The following DLGAP1 variants were observed in gnomAD, a reference collection of about 807,000 sequenced individuals.
DLGAP1 encodes the protein disks large-associated protein 1.
A neutral mutation model predicts 90.8 loss-of-function variants in DLGAP1; 11 were observed. The ratio of observed to expected loss-of-function variants is 0.12; its 90% CI spans 0.08 to 0.20. DLGAP1 has a LOEUF of 0.20. Among genes scored for constraint, DLGAP1 ranks in the 10% least tolerant of loss-of-function variants. The probability of loss-of-function intolerance (pLI) is 1.00; values close to 1 mark genes in which losing one functional copy is unlikely to be tolerated. For missense variants in DLGAP1, 1,050 were observed against 1,333.8 expected (o/e 0.79, Z 3.31); for synonymous variants, 558 against 540.7 (o/e 1.03, Z -0.44).
At chr18:4,117,443 G>A (rs2076080895) in intron 2 of DLGAP1, among the ~76,000 whole-genome samples, 2 of 152,130 alleles carry the variant, frequency 1.3e-5, no homozygotes, top group Non-Finnish European at 2.9e-5. Flanking sequence ...TGATGTTGTT[G>A]TCTTGGCCAA....
At chr18:3,987,016 C>G (rs1275718383) in intron 3 of DLGAP1, among the ~76,000 whole-genome samples, 1 of 152,200 alleles carries the variant, frequency 6.6e-6, no homozygotes, top group Admixed American at 6.5e-5. Flanking sequence ...GGTTTAATAA[C>G]TTGACTATCA....
chr18:3,977,108 T>C (rs1721270790), intron 3 of DLGAP1, among the ~76,000 whole-genome samples: 1 of 152,180 alleles, frequency 6.6e-6, no homozygotes, highest in Non-Finnish European at 1.5e-5. Context: ...AGAGTCTCAC[T>C]CTGTCGCCCA....
At chr18:4,347,411 A>T (rs2143931398) in intron 1 of DLGAP1, among the ~76,000 whole-genome samples, 1 of 152,198 alleles carries the variant, frequency 6.6e-6, no homozygotes, top group Non-Finnish European at 1.5e-5. Flanking sequence ...AAATCTATAG[A>T]CCTATATTGT....
At chr18:3,690,588 G>C (rs1387866056) in intron 7 of DLGAP1, among the ~76,000 whole-genome samples, 1 of 152,124 alleles carries the variant, frequency 6.6e-6, no homozygotes, top group Non-Finnish European at 1.5e-5. Context: ...TGATGAAAGT[G>C]CCCAGAGGAA....
intron 2 of DLGAP1, among the ~76,000 whole-genome samples, chr18:4,099,296 C>CATCTATCTATCT (rs35397168): frequency 1.2e-4 from 17 of 144,058 alleles, no homozygotes; most frequent in South Asian, 4.6e-4. Context: ...ATCTGTCTAT[C>CATCTATCTATCT]ATCTATCTAT....
rs547712373 is a variant in DLGAP1 at position 3,954,731 on chromosome 18, C to T, written c.-73+50385G>A. Among the ~76,000 whole-genome samples, 220 of 152,298 alleles carry T rather than the reference C, an allele frequency of 1.4e-3. 1 individual carries two copies. The highest frequency in any genetic ancestry group is 4.9e-3 in the African/African-American group (203 of 41,572). ...AGGGATGAGATACTTCTTCCTAAGA[C>T]AGTGTTACGAGGGGCAGATTTACCT... On this transcript the variant is annotated intron_variant, in intron 3 of 12. Coordinates refer to ENST00000315677, the MANE Select transcript of DLGAP1 (RefSeq NM_004746.4).
intron 2 of DLGAP1, among the ~76,000 whole-genome samples, chr18:4,008,500 AT>A (rs1041275247): frequency 6.6e-6 from 1 of 152,154 alleles, no homozygotes; most frequent in East Asian, 1.9e-4. Context: ...TCAGGCTACA[AT>A]TTTTTTTAAG....
chr18:3,666,133 C>T (rs954212136), intron 7 of DLGAP1, among the ~76,000 whole-genome samples: 5 of 152,212 alleles, frequency 3.3e-5, no homozygotes, highest in Admixed American at 2.6e-4. Context: ...TCCAGGCTAC[C>T]CGAGAGCTGG....
intron 1 of DLGAP1, among the ~76,000 whole-genome samples, chr18:4,401,382 G>A (rs11876484): frequency 0.094 from 14,325 of 152,164 alleles, 1,210 homozygotes; most frequent in African/African-American, 0.23. Context: ...AGAACAAAAA[G>A]GCCACAACTG....
chr18:3,753,889 G>C (rs1423702490), intron 5 of DLGAP1, among the ~76,000 whole-genome samples: 2 of 152,246 alleles, frequency 1.3e-5, no homozygotes, highest in Non-Finnish European at 2.9e-5. Flanking sequence ...TTGGGAATCT[G>C]TGGGGGATTG....
chr18:3,500,437 T>C (rs10513867), intron 12 of DLGAP1, among the ~76,000 whole-genome samples: 5,426 of 152,302 alleles, frequency 0.036, 284 homozygotes, highest in African/African-American at 0.11. Context: ...TCTTAAAATA[T>C]AGTTTCGGTG....
At chr18:4,222,243 A>G (rs962706336) in intron 1 of DLGAP1, among the ~76,000 whole-genome samples, 1 of 152,164 alleles carries the variant, frequency 6.6e-6, no homozygotes, top group African/African-American at 2.4e-5. Context: ...CATGCCTTAA[A>G]GTGATATTCA....
At chr18:3,801,678 C>T (rs1449159935) in intron 5 of DLGAP1, among the ~76,000 whole-genome samples, 1 of 152,044 alleles carries the variant, frequency 6.6e-6, no homozygotes, top group Non-Finnish European at 1.5e-5. Flanking sequence ...AAGTGTTAGT[C>T]ATTACTATTC....
chr18:3,708,646 T>C (rs944749246), intron 7 of DLGAP1: 2 of 409,266 alleles, frequency 4.9e-6, no homozygotes, highest in African/African-American at 4.1e-5. Flanking sequence ...TGGGGCACAC[T>C]CTACAACAAG....
At chr18:3,692,881 A>T (rs2060947193) in intron 7 of DLGAP1, among the ~76,000 whole-genome samples, 1 of 152,158 alleles carries the variant, frequency 6.6e-6, no homozygotes, top group Non-Finnish European at 1.5e-5. Flanking sequence ...GCCAACACAG[A>T]GCTGGGACCT....
intron 4 of DLGAP1, among the ~76,000 whole-genome samples, chr18:3,842,340 G>C (rs1220231417): frequency 6.6e-6 from 1 of 152,122 alleles, no homozygotes; most frequent in African/African-American, 2.4e-5. Flanking sequence ...TAAAAGTTTG[G>C]ACTTTATCCC....
intron 1 of DLGAP1, among the ~76,000 whole-genome samples, chr18:4,242,667 C>G (rs768539104): frequency 3.9e-5 from 6 of 152,104 alleles, no homozygotes; most frequent in Non-Finnish European, 8.8e-5. Context: ...CCTGGTGGGC[C>G]TGTGATCGCA....
chr18:4,015,956 G>T (rs920997618), intron 2 of DLGAP1, among the ~76,000 whole-genome samples: 10 of 152,272 alleles, frequency 6.6e-5, no homozygotes, highest in African/African-American at 2.2e-4. Context: ...ATATTGTATA[G>T]ATGTTGATAT....
At chr18:3,982,583 A>G (rs9951772) in intron 3 of DLGAP1, among the ~76,000 whole-genome samples, 1 of 152,060 alleles carries the variant, frequency 6.6e-6, no homozygotes, top group Non-Finnish European at 1.5e-5. Flanking sequence ...TGAGGTTTCC[A>G]TGGGATAGCC....
Sources: allele counts gnomAD v4.1 joint callset (sites outside exome capture counted in the v4.1 genomes callset), GRCh38; gene constraint gnomAD v4.1.1; transcripts MANE v1.5; gene names NCBI Gene and HGNC (gene_info 2026-07-23, HGNC 2026-07-21).